SMTN: variants seen among roughly 807,000 people sequenced by gnomAD.
SMTN encodes smoothelin.
In SMTN, 58 loss-of-function variants were observed where a neutral mutation model predicts 102.0. The observed-to-expected ratio is 0.57, with a 90% CI of 0.46 to 0.71. The LOEUF (loss-of-function observed/expected upper bound fraction) is 0.71. Among genes scored for constraint, SMTN ranks in the 30% least tolerant of loss-of-function variants. The pLI, the probability that SMTN is intolerant of heterozygous loss-of-function variation, is 0.00. For missense variants in SMTN, 1,185 were observed against 1,241.7 expected, an observed-to-expected ratio of 0.95 and a Z score of 0.69; for synonymous variants, 478 against 497.9, an observed-to-expected ratio of 0.96 and a Z score of 0.53.
chr22:31,098,063 G>C lies in SMTN; in HGVS notation c.2160-604G>C, dbSNP rs547924179. Among the ~76,000 whole-genome samples the C allele has an allele frequency of 2.2e-4, 34 of 152,298 alleles. 2 individuals are homozygous for C. The South Asian group carries it at 7.0e-3, about 32-fold the overall frequency. ...ATACCTTAGCCCCATGAGAAAGGAG[G>C]GTACCCCCATGTAACAGAGGCTGTT... On this transcript the variant is annotated intron_variant, in intron 16 of 20. Transcript: ENST00000333137.
intron 1 of SMTN, chr22:31,082,690 C>T (rs2042389667): frequency 6.2e-6 from 4 of 643,082 alleles, no homozygotes; most frequent in Non-Finnish European, 1.1e-5. Flanking sequence ...CTTCCTATAC[C>T]TGGGGGAATG....
intron 19 of SMTN, among the ~76,000 whole-genome samples, chr22:31,100,524 C>T (rs1048693406): frequency 3.9e-5 from 6 of 151,986 alleles, no homozygotes; most frequent in African/African-American, 7.3e-5. Context: ...CCCCTCTCCC[C>T]GGGGCACAGC....
At chr22:31,074,219 C>G (rs1249190412) in intron 1 of SMTN, among the ~76,000 whole-genome samples, 1 of 151,994 alleles carries the variant, frequency 6.6e-6, no homozygotes, top group Non-Finnish European at 1.5e-5. Context: ...GAAACTCCAT[C>G]TCTATAAAAA....
chr22:31,097,003 G>A lies in SMTN; in HGVS notation c.2032G>A (p.Gly678Ser). 1 of 1,614,156 alleles carries A rather than the reference G, an allele frequency of 6.2e-7. No homozygotes were observed. Among genetic ancestry groups the A allele is most frequent in the Non-Finnish European group, 8.5e-7 (1 of 1,180,020 alleles). ...KTERLVHSNDGTRTARTTTVE... is the reference protein window; with the variant it reads ...KTERLVHSNDSTRTARTTTVE... The stretch of plus-strand genomic sequence containing the variant: ...CTCATCCCCTGCCCCTGCAGATGAT[G>A]GCACACGGACGGCCCGCACCACCAC... Residue 678 changes from glycine to serine, a missense_variant, in exon 15 of 21, where the codon GGC (glycine) becomes AGC (serine). By Grantham distance (56) the Gly-to-Ser change is moderately conservative. Around this residue, in one of 2 missense-constraint regions of SMTN, gnomAD observed 1,096 missense variants for 1,112.7 expected, o/e 0.98. Coordinates refer to ENST00000333137, the MANE Select transcript of SMTN (RefSeq NM_134269.3).
intron 8 of SMTN, among the ~76,000 whole-genome samples, chr22:31,090,496 C>A (rs968127067): frequency 2.6e-5 from 4 of 152,168 alleles, no homozygotes; most frequent in African/African-American, 9.7e-5. Flanking sequence ...GGCTGTCCCC[C>A]CTCCCCATCT....
At chr22:31,080,278 G>A (rs191111363), upstream of SMTN, among the ~76,000 whole-genome samples, 105 of 152,286 alleles carry the variant, frequency 6.9e-4, no homozygotes, top group Non-Finnish European at 9.0e-4. Context: ...TAAAAGCAGG[G>A]TCTGGACTCA....
chr22:31,098,621 A>G, intron 16 of SMTN, 46 bp from the exon 17 acceptor site: 2 of 1,591,304 alleles, frequency 1.3e-6, no homozygotes. Flanking sequence ...CAGGCTGGGG[A>G]GCAGCCCTGC....
chr22:31,103,876 G>A (rs1205152374), intron 20 of SMTN: 1 of 171,720 alleles, frequency 5.8e-6, no homozygotes, highest in African/African-American at 2.4e-5. Flanking sequence ...GGCCACTAGA[G>A]TGAGACCTAT....
intron 2 of SMTN, among the ~76,000 whole-genome samples, chr22:31,086,361 A>G (rs2042702409): frequency 6.6e-6 from 1 of 152,142 alleles, no homozygotes; most frequent in Admixed American, 6.5e-5. Flanking sequence ...TCCTCCCTGG[A>G]CTTCAATCTC....
At chr22:31,081,641 C>A (rs1213208404) in intron 1 of SMTN, among the ~76,000 whole-genome samples, 185 bp downstream of exon 1, 3 of 152,228 alleles carry the variant, frequency 2.0e-5, no homozygotes, top group African/African-American at 4.8e-5. Context: ...TCCTAAGAGA[C>A]TCCACGCCCC....
intron 1 of SMTN, among the ~76,000 whole-genome samples, chr22:31,074,173 A>C (rs2042073956): frequency 6.6e-6 from 1 of 151,882 alleles, no homozygotes; most frequent in Non-Finnish European, 1.5e-5. Context: ...GGATTACTTG[A>C]AACCAGGAGT....
intron 1 of SMTN, among the ~76,000 whole-genome samples, chr22:31,068,842 G>A (rs1464700999): frequency 6.6e-6 from 1 of 152,166 alleles, no homozygotes; most frequent in Non-Finnish European, 1.5e-5. Context: ...TAATTTTGGG[G>A]AGCTTCAGAT....
At chr22:31,104,199 T>C in intron 20 of SMTN, 117 bp from the exon 21 acceptor site, 1 of 1,225,756 alleles carries the variant, frequency 8.2e-7, no homozygotes, top group Non-Finnish European at 1.1e-6. Flanking sequence ...CTTTTCCCTG[T>C]CTGGAGTTTA....
chr22:31,081,672 C>T (rs1035678423), intron 1 of SMTN, among the ~76,000 whole-genome samples: 1 of 152,208 alleles, frequency 6.6e-6, no homozygotes, highest in Admixed American at 6.5e-5. Context: ...TAGTCTGTGG[C>T]GGCAGAAACC....
intron 14 of SMTN, 31 bp downstream of exon 14, chr22:31,096,928 T>A (rs767842897): frequency 3.7e-6 from 6 of 1,611,662 alleles, no homozygotes; most frequent in Non-Finnish European, 5.1e-6. Flanking sequence ...GGCCCAGGGC[T>A]CAGGGTGGGA....
intron 2 of SMTN, chr22:31,085,342 G>C (rs1034263158): frequency 1.1e-5 from 16 of 1,431,846 alleles, no homozygotes; most frequent in Non-Finnish European, 1.5e-5. Flanking sequence ...CGCAGAACCT[G>C]CGGGCCTTCA....
At chr22:31,093,691 C>T (rs755938620) in intron 11 of SMTN, 20 of 952,910 alleles carry the variant, frequency 2.1e-5, no homozygotes, top group East Asian at 7.2e-5. Flanking sequence ...GCTGAGCCTA[C>T]GGCTGGGGGT....
intron 19 of SMTN, 85 bp downstream of exon 19, chr22:31,099,981 T>C: frequency 7.2e-7 from 1 of 1,382,318 alleles, no homozygotes; most frequent in East Asian, 2.4e-5. Context: ...TGAGAACCCC[T>C]GGAGCGGGCC....
At chr22:31,091,977 G>A (rs1011205105) in intron 11 of SMTN, 130 bp downstream of exon 11, 27 of 914,468 alleles carry the variant, frequency 3.0e-5, no homozygotes, top group Non-Finnish European at 3.8e-5. Context: ...GCCCAGAGAG[G>A]GAAGGTGGCT....
Sources: allele counts gnomAD v4.1 joint callset (sites outside exome capture counted in the v4.1 genomes callset), GRCh38; gene constraint gnomAD v4.1.1; regional missense constraint gnomAD v4.1.1; transcripts MANE v1.5; gene names NCBI Gene and HGNC (gene_info 2026-07-23, HGNC 2026-07-21).